PLXDC2: variants seen among roughly 807,000 people sequenced by gnomAD.
The protein encoded by PLXDC2 is plexin domain containing 2, also known as plexin domain-containing protein 2.
In PLXDC2, 40 loss-of-function variants were observed where a neutral mutation model predicts 68.9. That is an observed-to-expected ratio of 0.58 (90% CI 0.45 to 0.76). The LOEUF (loss-of-function observed/expected upper bound fraction) is 0.76, where lower values mean the gene tolerates loss of function less well. Ranked by LOEUF, PLXDC2 falls within the 30% of genes least tolerant of loss-of-function variation. PLXDC2 has a pLI of 0.00. For synonymous variants in PLXDC2, 243 were observed against 234.2 expected (o/e 1.04, Z -0.34); for missense variants, 644 against 661.9 (o/e 0.97, Z 0.30).
At chr10:20,186,639 C>T (rs1405400231) in intron 9 of PLXDC2, among the ~76,000 whole-genome samples, 1 of 151,920 alleles carries the variant, frequency 6.6e-6, no homozygotes, top group Non-Finnish European at 1.5e-5. Flanking sequence ...GTATTTAGCT[C>T]CCATTTATAA....
chr10:19,980,080 T>A (rs2131619124), intron 1 of PLXDC2, among the ~76,000 whole-genome samples: 1 of 152,358 alleles, frequency 6.6e-6, no homozygotes, highest in African/African-American at 2.4e-5. Context: ...GACTTCGTGT[T>A]TCAATTATAT....
At chr10:20,018,643 T>G (rs1008494447) in intron 2 of PLXDC2, among the ~76,000 whole-genome samples, 1 of 152,212 alleles carries the variant, frequency 6.6e-6, no homozygotes. Context: ...AGCTCACATC[T>G]ACTATTAATT....
intron 1 of PLXDC2, among the ~76,000 whole-genome samples, chr10:19,822,601 G>T (rs1041865356): frequency 3.9e-5 from 6 of 152,038 alleles, no homozygotes; most frequent in Non-Finnish European, 7.4e-5. Flanking sequence ...CAGTGTATAA[G>T]GGTTGCCTTT....
intron 1 of PLXDC2, among the ~76,000 whole-genome samples, chr10:19,968,518 T>C (rs1452595613): frequency 6.6e-6 from 1 of 152,136 alleles, no homozygotes; most frequent in Non-Finnish European, 1.5e-5. Flanking sequence ...CTCACCTTGT[T>C]GGCCAGCTGG....
At chr10:19,892,545 A>G (rs1376346879) in intron 1 of PLXDC2, among the ~76,000 whole-genome samples, 3 of 152,228 alleles carry the variant, frequency 2.0e-5, no homozygotes, top group African/African-American at 2.4e-5. Flanking sequence ...GCTTAATGCT[A>G]TGTACATAGT....
At chr10:20,190,665 A>G (rs369688882) in intron 9 of PLXDC2, among the ~76,000 whole-genome samples, 5 of 151,660 alleles carry the variant, frequency 3.3e-5, no homozygotes, top group South Asian at 4.2e-4. Context: ...ACAGTTTTCT[A>G]TTGTAAAAGC....
In PLXDC2 at chr10:20,058,568, T is replaced by A. The variant is rs150197506; in HGVS notation, c.472-9602T>A. Among the ~76,000 whole-genome samples, 176 of 152,312 alleles carry A rather than the reference T, an allele frequency of 1.2e-3. 1 individual carries two copies. Among genetic ancestry groups the A allele is most frequent in the African/African-American group, 3.5e-3 (144 of 41,582 alleles). On this transcript the variant is annotated intron_variant, in intron 3 of 13. Transcript: ENST00000377252. The stretch of plus-strand genomic sequence containing the variant: ...TATCTGTTACATCGATAATAATAAT[T>A]ATTATGCAAACACTTACCTTTAAAA...
chr10:20,017,598 T>G (rs1835234917), intron 2 of PLXDC2, among the ~76,000 whole-genome samples: 1 of 152,204 alleles, frequency 6.6e-6, no homozygotes, highest in Admixed American at 6.5e-5. Context: ...TCACACAGAC[T>G]TCCTCCGAAC....
intron 1 of PLXDC2, among the ~76,000 whole-genome samples, chr10:19,849,996 CTA>C: frequency 6.6e-6 from 1 of 152,232 alleles, no homozygotes; most frequent in African/African-American, 2.4e-5. Flanking sequence ...ATGTAGTTCT[CTA>C]TGTTACATTT....
At chr10:20,241,407 G>A (rs1318186117) in intron 12 of PLXDC2, among the ~76,000 whole-genome samples, 2 of 152,054 alleles carry the variant, frequency 1.3e-5, no homozygotes, top group African/African-American at 4.8e-5. Flanking sequence ...GCAAGTTCTG[G>A]TCCTCCAGCA....
chr10:20,235,901 G>A (rs138113148), intron 12 of PLXDC2, among the ~76,000 whole-genome samples: 14 of 152,234 alleles, frequency 9.2e-5, no homozygotes, highest in South Asian at 2.1e-4. Context: ...AAAGTGCTTC[G>A]TCGGCCTATT....
intron 1 of PLXDC2, among the ~76,000 whole-genome samples, chr10:19,913,524 T>G (rs1389337062): frequency 1.3e-5 from 2 of 152,226 alleles, no homozygotes; most frequent in African/African-American, 2.4e-5. Flanking sequence ...AACTTAGATG[T>G]TTCAAATTTC....
At chr10:19,907,878 G>A (rs1259621354) in intron 1 of PLXDC2, among the ~76,000 whole-genome samples, 1 of 152,096 alleles carries the variant, frequency 6.6e-6, no homozygotes, top group African/African-American at 2.4e-5. Context: ...CTCATCTTCA[G>A]AAAGTCTGTC....
intron 13 of PLXDC2, among the ~76,000 whole-genome samples, chr10:20,270,308 A>G (rs1370265202): frequency 1.3e-5 from 2 of 152,142 alleles, no homozygotes; most frequent in African/African-American, 4.8e-5. Context: ...TCAATCAGTT[A>G]TATTCGATTC....
chr10:20,250,324 G>A (rs1438908853), intron 13 of PLXDC2, among the ~76,000 whole-genome samples: 6 of 147,966 alleles, frequency 4.1e-5, no homozygotes, highest in African/African-American at 1.5e-4. Flanking sequence ...GTATATATCA[G>A]AGCTCATGCA....
At chr10:19,946,456 A>G (rs908823413) in intron 1 of PLXDC2, among the ~76,000 whole-genome samples, 2 of 151,346 alleles carry the variant, frequency 1.3e-5, no homozygotes, top group Non-Finnish European at 2.9e-5. Flanking sequence ...AGAACCTGTG[A>G]CTCTGTTACT....
At chr10:19,917,391 C>T (rs1276154342) in intron 1 of PLXDC2, among the ~76,000 whole-genome samples, 5 of 152,128 alleles carry the variant, frequency 3.3e-5, no homozygotes, top group Non-Finnish European at 5.9e-5. Flanking sequence ...CATGATACTT[C>T]AAATCCATCC....
chr10:19,979,044 A>G (rs1054628764), intron 1 of PLXDC2, among the ~76,000 whole-genome samples: 1 of 152,244 alleles, frequency 6.6e-6, no homozygotes, highest in African/African-American at 2.4e-5. Flanking sequence ...TCTTGATAAA[A>G]GATCTCCAGG....
intron 1 of PLXDC2, among the ~76,000 whole-genome samples, chr10:19,989,231 T>C (rs191174996): frequency 3.9e-4 from 59 of 152,274 alleles, no homozygotes; most frequent in Admixed American, 6.5e-4. Context: ...GTAAAGTACG[T>C]TTTGGAGCTT....
Sources: allele counts gnomAD v4.1 joint callset (sites outside exome capture counted in the v4.1 genomes callset), GRCh38; gene constraint gnomAD v4.1.1; transcripts MANE v1.5; gene names NCBI Gene and HGNC (gene_info 2026-07-23, HGNC 2026-07-21).